PPP2R1B: variants seen among roughly 807,000 people sequenced by gnomAD.
PPP2R1B encodes the protein serine/threonine-protein phosphatase 2A 65 kDa regulatory subunit A beta isoform.
Under a neutral mutation model 72.7 loss-of-function variants are expected in PPP2R1B, and 58 were observed. That is an observed-to-expected ratio of 0.80 (90% confidence interval 0.65 to 0.99). The LOEUF is 0.99. PPP2R1B is among the 50% of genes least tolerant of loss of function. PPP2R1B has a pLI of 0.00. For synonymous variants in PPP2R1B, 256 were observed against 264.6 expected (o/e 0.97, Z 0.32); for missense variants, 695 against 733.6 (o/e 0.95, Z 0.61).
In PPP2R1B at chr11:111,739,423, T is replaced by G; in HGVS notation, c.*2173A>C. ...GCCAAAGCACAATTCCTCTGAAGAG[T>G]ACCAAAACAAATTCTCTCTCTATTG... is the stretch of plus-strand genomic sequence containing the variant. On this transcript the variant is annotated 3_prime_UTR_variant, in exon 15 of 15. Coordinates refer to ENST00000527614, the MANE Select transcript of PPP2R1B (RefSeq NM_002716.5). 1 of 983,810 alleles carries G rather than the reference T, an allele frequency of 1.0e-6. No homozygotes were observed. Among genetic ancestry groups the G allele is most frequent in the East Asian group, 1.1e-4 (1 of 8,762 alleles). The allele number at this position is 983,810 out of a possible 1,614,324, so 60.9% of individuals were successfully genotyped here.
chr11:111,690,235 G>A, the PPP2R1B span, among the ~76,000 whole-genome samples: 996 of 149,086 alleles, frequency 6.7e-3, 8 homozygotes, highest in Middle Eastern at 0.056. Context: ...TGAAAGCATC[G>A]GCTGCCCTAA....
chr11:111,745,372 C>A (rs535879896), intron 11 of PPP2R1B, among the ~76,000 whole-genome samples: 1 of 151,978 alleles, frequency 6.6e-6, no homozygotes, highest in African/African-American at 2.4e-5. Context: ...TTTTTTAACA[C>A]GCTTTAGATT....
the PPP2R1B span, among the ~76,000 whole-genome samples, chr11:111,718,187 C>T: frequency 6.6e-6 from 1 of 152,148 alleles, no homozygotes; most frequent in East Asian, 1.9e-4. Flanking sequence ...AATTAATGAT[C>T]TTCTTTTCTC....
At chr11:111,712,385 T>C in the PPP2R1B span, 6 of 1,609,466 alleles carry the variant, frequency 3.7e-6, no homozygotes, top group South Asian at 1.1e-5. Flanking sequence ...GGTACGGCTA[T>C]GTTTGAGAGT....
chr11:111,711,096 A>T, the PPP2R1B span, among the ~76,000 whole-genome samples: 1 of 152,042 alleles, frequency 6.6e-6, no homozygotes, highest in Non-Finnish European at 1.5e-5. Flanking sequence ...GCCAATTGTC[A>T]TAAGGAAAAA....
intron 15 of PPP2R1B, chr11:111,730,687 A>G (rs557943450): frequency 1.4e-4 from 21 of 152,314 alleles, no homozygotes; most frequent in South Asian, 8.3e-4. Context: ...AAAAAAAATC[A>G]AAAGTATAAC....
At position 111,748,024 on chromosome 11, in the gene PPP2R1B, C is replaced by T. The variant is rs1555046799; in HGVS notation, c.1339-10G>A. On this transcript the variant is annotated splice_polypyrimidine_tract_variant and intron_variant, in intron 10 of 14. Transcript: ENST00000527614. Reference sequence around the variant, plus strand: ...CAAAGAATTCCACACCCTACAGATACAGAAGATTCCATTAACATACATTGC... The same window carrying T: ...CAAAGAATTCCACACCCTACAGATATAGAAGATTCCATTAACATACATTGC... 2.5e-6 allele frequency: 4 copies of T among 1,609,914 alleles called. No homozygotes were observed. Among genetic ancestry groups the T allele is most frequent in the African/African-American group, 2.7e-5 (2 of 74,830 alleles).
At chr11:111,760,173 G>A (rs1203733126) in intron 4 of PPP2R1B, among the ~76,000 whole-genome samples, 4 of 152,188 alleles carry the variant, frequency 2.6e-5, no homozygotes, top group South Asian at 2.1e-4. Flanking sequence ...CACTTTGGGA[G>A]GCCCAGGTAG....
At chr11:111,710,376 A>G in the PPP2R1B span, among the ~76,000 whole-genome samples, 11 of 152,330 alleles carry the variant, frequency 7.2e-5, no homozygotes, top group Non-Finnish European at 1.6e-4. Flanking sequence ...TACCATTCTG[A>G]CACTTTGCTA....
the PPP2R1B span, chr11:111,720,350 GA>G: frequency 4.8e-6 from 5 of 1,041,650 alleles, no homozygotes. Context: ...AAAGGGCTCT[GA>G]AAAGATGTTT....
the PPP2R1B span, among the ~76,000 whole-genome samples, chr11:111,714,181 GAAGCCTAAGT>G: frequency 6.6e-6 from 1 of 152,204 alleles, no homozygotes; most frequent in South Asian, 2.1e-4. Context: ...AAGTACTAGG[GAAGCCTAAGT>G]CCATCTCCAT....
chr11:111,765,679 G>A (rs1945501291), intron 1 of PPP2R1B: 4 of 510,388 alleles, frequency 7.8e-6, no homozygotes, highest in Non-Finnish European at 1.5e-5. Flanking sequence ...AGAGCACTTT[G>A]GCAGTGGTGA....
Position 111,741,053 on chromosome 11 carries a change from C to A in PPP2R1B, c.*543G>T. ...TACATTAACCCTGAGCTTCCACATT[C>A]CCCTTTCACATGAGACTAATGCAGA... On this transcript the variant is annotated 3_prime_UTR_variant, in exon 15 of 15. Coordinates refer to ENST00000527614, the MANE Select transcript of PPP2R1B (RefSeq NM_002716.5). 1.0e-6 allele frequency: 1 copy of A among 986,166 alleles called. No individual in the cohort carries two copies. The highest frequency in any genetic ancestry group is 4.7e-5 in the South Asian group (1 of 21,290). The allele number at this position is 986,166 out of a possible 1,614,324, so 61.1% of individuals were successfully genotyped here.
the PPP2R1B span, among the ~76,000 whole-genome samples, chr11:111,711,175 G>C: frequency 1.3e-5 from 2 of 150,862 alleles, no homozygotes; most frequent in Non-Finnish European, 2.9e-5. Context: ...CTGGAGTGCA[G>C]TGGCGGGATC....
chr11:111,743,586 C>T (rs1456764136), intron 11 of PPP2R1B, 56 bp from the exon 12 acceptor site: 7 of 1,551,718 alleles, frequency 4.5e-6, no homozygotes, highest in Non-Finnish European at 6.1e-6. Context: ...TTAAGCATAA[C>T]CTAGTTTACT....
At chr11:111,705,733 A>G in the PPP2R1B span, among the ~76,000 whole-genome samples, 3 of 152,218 alleles carry the variant, frequency 2.0e-5, no homozygotes, top group African/African-American at 7.2e-5. This position sits in a 1 kb window ranked among gnomAD's most constrained non-coding sequence, Gnocchi z 4.3. Flanking sequence ...TTACAATTCA[A>G]GAAGCAACAA....
At position 111,752,970 on chromosome 11, in the gene PPP2R1B, A is replaced by AAAACAAAC. The variant is rs35779546; in HGVS notation, c.1164+465_1164+472dup. 6.6e-5 allele frequency among the ~76,000 whole-genome samples: 10 copies of AAAACAAAC among 150,574 alleles called. No homozygotes were observed. In the East Asian group the frequency reaches 9.8e-4, roughly 15 times the overall value. The stretch of plus-strand genomic sequence containing the variant: ...AGAGCAAGACTCCGTCTCAAAAAAC[A>AAAACAAAC]AAACAAACAAACAAACAAACAAAAA... On this transcript the variant is annotated intron_variant, in intron 9 of 14. Transcript: ENST00000527614.
chr11:111,712,752 T>A, the PPP2R1B span, among the ~76,000 whole-genome samples: 2 of 152,240 alleles, frequency 1.3e-5, no homozygotes, highest in African/African-American at 4.8e-5. Context: ...CATGCCAAAT[T>A]GGGCTTTATT....
chr11:111,723,445 G>A (rs1298815322), downstream of PPP2R1B: 1 of 1,520,128 alleles, frequency 6.6e-7, no homozygotes, highest in Non-Finnish European at 8.9e-7. Context: ...CATTAAAATT[G>A]CCATCACTTG....
Sources: allele counts gnomAD v4.1 joint callset (sites outside exome capture counted in the v4.1 genomes callset), GRCh38; gene constraint gnomAD v4.1.1; non-coding constraint Gnocchi (gnomAD v3.1); transcripts MANE v1.5; gene names NCBI Gene and HGNC (gene_info 2026-07-23, HGNC 2026-07-21).